The following SIPA1L2 variants were observed in gnomAD, a reference collection of about 807,000 sequenced individuals.
SIPA1L2 encodes the protein signal induced proliferation associated 1 like 2, also known as signal-induced proliferation-associated 1-like protein 2.
SIPA1L2 carries 56 observed loss-of-function variants against 163.9 expected under a neutral mutation model. The observed-to-expected ratio is 0.34, with a 90% CI of 0.28 to 0.43. The LOEUF (loss-of-function observed/expected upper bound fraction) is 0.43. Among genes scored for constraint, SIPA1L2 ranks in the 20% least tolerant of loss-of-function variants. SIPA1L2 has a pLI of 1.00. For synonymous variants in SIPA1L2, 877 were observed against 865.7 expected (o/e 1.01, Z -0.23); for missense variants, 1,974 against 2,193.5 (o/e 0.90, Z 2.00).
chr1:232,469,010 G>A (rs1250408918), intron 8 of SIPA1L2, among the ~76,000 whole-genome samples: 2 of 152,152 alleles, frequency 1.3e-5, no homozygotes, highest in Non-Finnish European at 2.9e-5. Flanking sequence ...ATTCTGCTGC[G>A]CTCATGGGGG....
At chr1:232,478,433 T>G (rs1322241652) in intron 7 of SIPA1L2, among the ~76,000 whole-genome samples, 1 of 152,148 alleles carries the variant, frequency 6.6e-6, no homozygotes, top group East Asian at 1.9e-4. Context: ...TTCTTCCAAC[T>G]AGTGATGGGA....
At chr1:232,548,003 CA>C (rs1658144180) in intron 2 of SIPA1L2, among the ~76,000 whole-genome samples, 1 of 152,212 alleles carries the variant, frequency 6.6e-6, no homozygotes, top group African/African-American at 2.4e-5. Context: ...GCCTGACACA[CA>C]ACTGGCTGTC....
intron 2 of SIPA1L2, among the ~76,000 whole-genome samples, chr1:232,544,947 C>T (rs143537269): frequency 6.6e-5 from 10 of 152,184 alleles, no homozygotes; most frequent in East Asian, 1.9e-4. Context: ...TTTTTAAAGG[C>T]GTTAACAGGA....
Position 232,465,493 on chromosome 1 carries a change from TATAC to T in SIPA1L2, c.2244-81_2244-78del, listed in dbSNP as rs1197816164. On this transcript the variant is annotated intron_variant, in intron 8 of 22. Coordinates refer to ENST00000674635, the MANE Select transcript of SIPA1L2 (RefSeq NM_020808.5). This position sits in a 1 kb window ranked among gnomAD's most constrained non-coding sequence, Gnocchi z 4.1. The stretch of plus-strand genomic sequence containing the variant: ...TGTATCTTTCCGAATTTGACATATA[TATAC>T]ACACACACACACATATACATACACA... The T allele has an allele frequency of 1.2e-5, 14 of 1,134,828 alleles. No homozygotes were observed. The highest frequency in any genetic ancestry group is 1.7e-5 in the Non-Finnish European group (13 of 785,370). 70.3% of individuals were successfully genotyped at this position (1,134,828 alleles called of 1,614,324 possible).
chr1:232,602,994 G>T (rs1351199296), intron 1 of SIPA1L2, among the ~76,000 whole-genome samples: 1 of 152,196 alleles, frequency 6.6e-6, no homozygotes, highest in Non-Finnish European at 1.5e-5. Flanking sequence ...AGGATGACAT[G>T]TCCTAAGTAA....
rs1207065459 is a variant in SIPA1L2, at chr1:232,586,449, C to T, written c.-318-12227G>A. 3.3e-5 allele frequency among the ~76,000 whole-genome samples: 5 copies of T among 150,760 alleles called. No homozygotes were observed. In the East Asian group the frequency reaches 1.0e-3, roughly 30 times the overall value. ...AATTGAAGAGCACCTGGCTTCCTCC[C>T]AAAAGGCTCCAAAGACCGAACGACT... On this transcript the variant is annotated intron_variant, in intron 1 of 22. Transcript: ENST00000674635.
intron 15 of SIPA1L2, among the ~76,000 whole-genome samples, chr1:232,432,713 C>T (rs1038200362): frequency 3.9e-5 from 6 of 152,080 alleles, no homozygotes; most frequent in African/African-American, 1.2e-4. Context: ...AAAACATGGC[C>T]GGGGAAATCT....
chr1:232,428,048 C>T (rs1662005124), intron 17 of SIPA1L2, among the ~76,000 whole-genome samples: 1 of 152,226 alleles, frequency 6.6e-6, no homozygotes, highest in Non-Finnish European at 1.5e-5. Context: ...TTCACTGTAA[C>T]TTCACAATTC....
At chr1:232,599,029 C>T (rs1220220820) in intron 1 of SIPA1L2, among the ~76,000 whole-genome samples, 6 of 151,040 alleles carry the variant, frequency 4.0e-5, no homozygotes, top group Admixed American at 1.3e-4. Flanking sequence ...AAATGTAATT[C>T]GACAGCTGCT....
Position 232,417,895 on chromosome 1 carries a change from C to A in SIPA1L2, c.4631-2270G>T, listed in dbSNP as rs542304926. Among the ~76,000 whole-genome samples the A allele has an allele frequency of 7.9e-5, 12 of 152,302 alleles. No homozygotes were observed. The South Asian group carries it at 2.5e-3, about 32-fold the overall frequency. On this transcript the variant is annotated intron_variant, in intron 18 of 22. Coordinates refer to ENST00000674635, the MANE Select transcript of SIPA1L2 (RefSeq NM_020808.5). Reference sequence around the variant, plus strand: ...ATAGCTCTGTGAGGGCCGCGGAGGTCAGGCAGGCTGGAATCTGGGCCCACT... The same window carrying A: ...ATAGCTCTGTGAGGGCCGCGGAGGTAAGGCAGGCTGGAATCTGGGCCCACT...
At chr1:232,490,829 A>G in intron 5 of SIPA1L2, 45 bp downstream of exon 5, 2 of 1,539,026 alleles carry the variant, frequency 1.3e-6, no homozygotes, top group East Asian at 4.6e-5. Context: ...TTTCAGAAAC[A>G]GACACAAATT....
chr1:232,569,616 C>T (rs954293527), intron 2 of SIPA1L2, among the ~76,000 whole-genome samples: 4 of 152,196 alleles, frequency 2.6e-5, no homozygotes, highest in African/African-American at 4.8e-5. Context: ...AGTTCGAGAC[C>T]AGCCTGGCCA....
chr1:232,605,681 G>A (rs1008940717), intron 1 of SIPA1L2, among the ~76,000 whole-genome samples: 3 of 147,342 alleles, frequency 2.0e-5, no homozygotes, highest in African/African-American at 7.6e-5. Flanking sequence ...GCGACAGAGC[G>A]AGATTCTGTC....
At chr1:232,480,548 T>C (rs1194121895) in intron 6 of SIPA1L2, among the ~76,000 whole-genome samples, 1 of 152,172 alleles carries the variant, frequency 6.6e-6, no homozygotes, top group Non-Finnish European at 1.5e-5. Context: ...TCAGATTGAG[T>C]TTCACACATT....
chr1:232,542,770 A>C (rs565778043), intron 2 of SIPA1L2, among the ~76,000 whole-genome samples: 7 of 152,328 alleles, frequency 4.6e-5, no homozygotes, highest in Admixed American at 2.0e-4. Flanking sequence ...GATCTCATGT[A>C]ATTCTGGTAG....
chr1:232,446,110 T>C (rs949379311), intron 10 of SIPA1L2, among the ~76,000 whole-genome samples: 1 of 152,182 alleles, frequency 6.6e-6, no homozygotes, highest in Non-Finnish European at 1.5e-5. Flanking sequence ...ATTAAAATGT[T>C]CCAACTACCA....
rs957224720 is a variant in SIPA1L2, at chr1:232,414,347, T to C, written c.4762+1147A>G. 2.6e-5 allele frequency among the ~76,000 whole-genome samples: 4 copies of C among 152,106 alleles called. No homozygotes were observed. The South Asian group carries it at 8.3e-4, about 32-fold the overall frequency. Reference sequence around the variant, plus strand: ...CCAGCTGGGTAGAGCGAAGCCACCATCGGGCCTCCCTAACGCATTACGCTA... The same window carrying C: ...CCAGCTGGGTAGAGCGAAGCCACCACCGGGCCTCCCTAACGCATTACGCTA... On this transcript the variant is annotated intron_variant, in intron 19 of 22. Transcript: ENST00000674635.
intron 2 of SIPA1L2, among the ~76,000 whole-genome samples, chr1:232,515,834 C>A (rs1461563149): frequency 6.6e-6 from 1 of 152,160 alleles, no homozygotes; most frequent in Non-Finnish European, 1.5e-5. Flanking sequence ...AAGAAACTTT[C>A]CTAGGATGTC....
intron 18 of SIPA1L2, among the ~76,000 whole-genome samples, chr1:232,416,119 C>T (rs1279301157): frequency 5.3e-5 from 8 of 150,166 alleles, no homozygotes; most frequent in Admixed American, 6.6e-5. Context: ...AGTCAGAACA[C>T]GGGCACCACT....
Sources: gnomAD v4.1 joint callset for allele counts (sites outside exome capture counted in the v4.1 genomes callset) on GRCh38, gnomAD v4.1.1 for gene constraint, Gnocchi (gnomAD v3.1) non-coding constraint, MANE v1.5 for transcripts, NCBI Gene and HGNC (gene_info 2026-07-23, HGNC 2026-07-21) for gene names.